Variants in CEMIP observed in about 807,000 individuals in gnomAD.
The protein encoded by CEMIP is cell migration-inducing and hyaluronan-binding protein.
Under a neutral mutation model 156.9 loss-of-function variants are expected in CEMIP, and 105 were observed. The observed-to-expected ratio is 0.67, with a 90% confidence interval of 0.57 to 0.79. CEMIP has a LOEUF of 0.79. Among genes scored for constraint, CEMIP ranks in the 30% least tolerant of loss-of-function variants. The probability of loss-of-function intolerance (pLI) is 0.00; values close to 1 mark genes in which losing one functional copy is unlikely to be tolerated. For synonymous variants in CEMIP, 676 were observed against 668.4 expected, an observed-to-expected ratio of 1.01 and a Z score of -0.17; for missense variants, 1,457 against 1,769.4, an observed-to-expected ratio of 0.82 and a Z score of 3.17.
intron 1 of CEMIP, among the ~76,000 whole-genome samples, chr15:80,854,505 A>G (rs978744659): frequency 6.6e-6 from 1 of 152,262 alleles, no homozygotes; most frequent in African/African-American, 2.4e-5. Flanking sequence ...TCTCAGGGCA[A>G]GACTCTTTCA....
chr15:80,809,560 A>T (rs1165984843), intron 1 of CEMIP, among the ~76,000 whole-genome samples: 1 of 152,194 alleles, frequency 6.6e-6, no homozygotes, highest in Non-Finnish European at 1.5e-5. Context: ...AAACAACACC[A>T]AGTTGTTAGT....
At chr15:80,803,981 ACAATGATGGTGAAAGG>A (rs1567053079) in intron 1 of CEMIP, among the ~76,000 whole-genome samples, 1 of 152,238 alleles carries the variant, frequency 6.6e-6, no homozygotes, top group Non-Finnish European at 1.5e-5. Context: ...GGGAGGCCTC[ACAATGATGGTGAAAGG>A]CAAAGGAGAA....
At chr15:80,831,161 T>G (rs531177201) in intron 1 of CEMIP, among the ~76,000 whole-genome samples, 1 of 152,266 alleles carries the variant, frequency 6.6e-6, no homozygotes, top group Non-Finnish European at 1.5e-5. Flanking sequence ...CTGATAGGAC[T>G]CCGCGTGTTT....
intron 1 of CEMIP, among the ~76,000 whole-genome samples, chr15:80,839,584 G>A (rs1191847630): frequency 6.6e-6 from 1 of 152,154 alleles, no homozygotes; most frequent in East Asian, 1.9e-4. Flanking sequence ...GCCCTGTGCA[G>A]TGGGAAAAGG....
At chr15:80,780,860 A>G (rs969555194) in intron 1 of CEMIP, among the ~76,000 whole-genome samples, 1 of 152,176 alleles carries the variant, frequency 6.6e-6, no homozygotes, top group African/African-American at 2.4e-5. Context: ...CTTTCTTCCC[A>G]GACCCAAGGC....
chr15:80,923,649 A>G (rs2141928900), intron 17 of CEMIP, among the ~76,000 whole-genome samples: 1 of 152,166 alleles, frequency 6.6e-6, no homozygotes, highest in Middle Eastern at 3.4e-3. Flanking sequence ...AGCTGGATGG[A>G]TTCGATTGTC....
intron 14 of CEMIP, among the ~76,000 whole-genome samples, chr15:80,910,122 G>A (rs1294524695): frequency 6.6e-6 from 1 of 152,194 alleles, no homozygotes; most frequent in Non-Finnish European, 1.5e-5. Flanking sequence ...GTTTTGTTTG[G>A]CTTAAATAGT....
intron 1 of CEMIP, among the ~76,000 whole-genome samples, chr15:80,871,679 G>T (rs541351492): frequency 2.6e-5 from 4 of 152,258 alleles, no homozygotes; most frequent in Admixed American, 2.6e-4. Flanking sequence ...ATGATTTGGG[G>T]CCCTTTGGCA....
rs562035223 is a variant in CEMIP, at chr15:80,935,514, C to T, written c.3010-1160C>T. ...ACATCTTACAAAATGCTTTAATGTA[C>T]GCTTTACCTTCTGATACTCAGGGCA... On this transcript the variant is annotated intron_variant, in intron 23 of 29. Transcript: ENST00000394685. Among the ~76,000 whole-genome samples the T allele has an allele frequency of 1.9e-4, 29 of 152,290 alleles. No individual in the cohort carries two copies. The East Asian group carries it at 3.1e-3, about 16-fold the overall frequency.
intron 1 of CEMIP, among the ~76,000 whole-genome samples, chr15:80,819,197 T>C (rs1896856657): frequency 6.6e-6 from 1 of 152,192 alleles, no homozygotes; most frequent in Non-Finnish European, 1.5e-5. Flanking sequence ...AAATGGAGGA[T>C]TATATAATTC....
intron 1 of CEMIP, among the ~76,000 whole-genome samples, chr15:80,780,013 A>G (rs2141547413): frequency 6.6e-6 from 1 of 151,410 alleles, no homozygotes; most frequent in Non-Finnish European, 1.5e-5. Flanking sequence ...CACAAGGGTC[A>G]GGTCTCGGTG....
intron 14 of CEMIP, among the ~76,000 whole-genome samples, chr15:80,919,731 C>T (rs1900402472): frequency 6.6e-6 from 1 of 151,916 alleles, no homozygotes; most frequent in Non-Finnish European, 1.5e-5. Flanking sequence ...AGGAGAATCA[C>T]TTGAACCCTG....
At chr15:80,935,682 T>C (rs1901093778) in intron 23 of CEMIP, among the ~76,000 whole-genome samples, 1 of 152,194 alleles carries the variant, frequency 6.6e-6, no homozygotes, top group Admixed American at 6.5e-5. Flanking sequence ...ATGGGGATAT[T>C]GTCTTATGAA....
chr15:80,826,872 G>A (rs1417080747), intron 1 of CEMIP, among the ~76,000 whole-genome samples: 1 of 152,102 alleles, frequency 6.6e-6, no homozygotes, highest in Non-Finnish European at 1.5e-5. Context: ...GTTCCCTGAT[G>A]GGTTTGAGTT....
At chr15:80,947,396 C>T (rs1487532714) in intron 29 of CEMIP, 3 of 338,774 alleles carry the variant, frequency 8.9e-6, no homozygotes, top group Non-Finnish European at 1.7e-5. Context: ...ACCCTCCTAC[C>T]CAATTCCTGC....
chr15:80,888,669 C>T (rs757774341), intron 8 of CEMIP, 32 bp from the exon 9 acceptor site: 1 of 1,601,662 alleles, frequency 6.2e-7, no homozygotes, highest in Non-Finnish European at 8.6e-7. Flanking sequence ...GGGGGTCTGT[C>T]CAGCTCCTAA....
At position 80,884,267 on chromosome 15, in the gene CEMIP, A is replaced by G; in HGVS notation, c.710A>G (p.Asn237Ser). ...GGCAGGATCCTTTCTGTTGCAGTGA[A>G]TGATGAAGGTTCTCGAAATCTGGAT... ...PDGRILSVAV[N>S]DEGSRNLDDM... The change falls in exon 7 of 30, where the codon AAT becomes AGT. Residue 237 changes from asparagine to serine, a missense_variant. Around this residue, in one of 5 missense-constraint regions of CEMIP, gnomAD observed 309 missense variants for 340.8 expected, o/e 0.91. Coordinates refer to ENST00000394685, the MANE Select transcript of CEMIP (RefSeq NM_001293298.2). The G allele has an allele frequency of 6.2e-7, 1 of 1,614,216 alleles. No individual in the cohort carries two copies. The highest frequency in any genetic ancestry group is 8.5e-7 in the Non-Finnish European group (1 of 1,180,022).
chr15:80,896,299 C>G (rs766095944), intron 12 of CEMIP: 1 of 667,976 alleles, frequency 1.5e-6, no homozygotes, highest in East Asian at 2.9e-5. Flanking sequence ...GGGTTCAAGT[C>G]ACTTCCATAT....
At chr15:80,924,021 A>G (rs1900567696) in intron 17 of CEMIP, among the ~76,000 whole-genome samples, 1 of 152,240 alleles carries the variant, frequency 6.6e-6, no homozygotes, top group African/African-American at 2.4e-5. Context: ...GGCCACGAGA[A>G]TCCAGACAGG....
Sources: allele counts gnomAD v4.1 joint callset (sites outside exome capture counted in the v4.1 genomes callset), GRCh38; gene constraint gnomAD v4.1.1; regional missense constraint gnomAD v4.1.1; transcripts MANE v1.5; gene names NCBI Gene and HGNC (gene_info 2026-07-23, HGNC 2026-07-21).